The following SDCCAG8 variants were observed in gnomAD, a reference collection of about 807,000 sequenced individuals.
The protein encoded by SDCCAG8 is serologically defined colon cancer antigen 8.
Under a neutral mutation model 101.8 loss-of-function variants are expected in SDCCAG8, and 74 were observed. The ratio of observed to expected loss-of-function variants is 0.73; its 90% CI spans 0.60 to 0.88. SDCCAG8 has a LOEUF of 0.88. Ranked by LOEUF, SDCCAG8 falls within the 40% of genes least tolerant of loss-of-function variation. SDCCAG8 has a pLI of 0.00. For synonymous variants in SDCCAG8, 281 were observed against 292.9 expected (o/e 0.96, Z 0.41); for missense variants, 787 against 822.6 (o/e 0.96, Z 0.53).
intron 12 of SDCCAG8, among the ~76,000 whole-genome samples, chr1:243,371,690 C>T (rs1309445242): frequency 2.0e-5 from 3 of 152,080 alleles, no homozygotes; most frequent in African/African-American, 7.2e-5. Flanking sequence ...AAATGAGTTT[C>T]TACTTATAAT....
At chr1:243,379,158 T>C (rs2077784431) in intron 13 of SDCCAG8, among the ~76,000 whole-genome samples, 2 of 152,206 alleles carry the variant, frequency 1.3e-5, no homozygotes, top group African/African-American at 4.8e-5. Flanking sequence ...CTACTACCTC[T>C]TCTGCTAATT....
chr1:243,318,553 T>C, intron 9 of SDCCAG8: 2 of 985,390 alleles, frequency 2.0e-6, no homozygotes, highest in Non-Finnish European at 2.4e-6. Flanking sequence ...ATTAAGCCTC[T>C]TGTCAGCCAT....
chr1:243,312,295 T>C (rs1166425862), intron 8 of SDCCAG8, among the ~76,000 whole-genome samples: 3 of 152,256 alleles, frequency 2.0e-5, no homozygotes, highest in Admixed American at 6.5e-5. Context: ...TTAAAAATGA[T>C]ACCTTAAATA....
At chr1:243,427,000 A>G (rs2081384686) in intron 16 of SDCCAG8, among the ~76,000 whole-genome samples, 1 of 152,222 alleles carries the variant, frequency 6.6e-6, no homozygotes, top group Non-Finnish European at 1.5e-5. Flanking sequence ...CTTGACTACA[A>G]ACAAAACCTT....
chr1:243,464,030 T>G (rs1156787684), intron 16 of SDCCAG8, among the ~76,000 whole-genome samples: 1 of 152,068 alleles, frequency 6.6e-6, no homozygotes, highest in Non-Finnish European at 1.5e-5. Context: ...TGTGCTCATG[T>G]CCTCTTGACC....
chr1:243,481,008 G>T (rs1393169260), intron 16 of SDCCAG8, among the ~76,000 whole-genome samples: 1 of 151,952 alleles, frequency 6.6e-6, no homozygotes, highest in East Asian at 1.9e-4. Context: ...CACTGAGAGG[G>T]TCACAGAGAG....
intron 13 of SDCCAG8, among the ~76,000 whole-genome samples, chr1:243,403,790 G>T (rs1431397917): frequency 6.6e-6 from 1 of 152,148 alleles, no homozygotes; most frequent in African/African-American, 2.4e-5. Flanking sequence ...AGGAAAGCAG[G>T]CTCAAGGCTC....
intron 7 of SDCCAG8, 105 bp downstream of exon 7, chr1:243,304,882 T>G: frequency 1.3e-6 from 1 of 764,328 alleles, no homozygotes; most frequent in East Asian, 2.7e-5. Context: ...CAGACTTACT[T>G]GATGACATTT....
chr1:243,482,575 C>T (rs1663960403), intron 16 of SDCCAG8, among the ~76,000 whole-genome samples: 1 of 152,208 alleles, frequency 6.6e-6, no homozygotes, highest in Non-Finnish European at 1.5e-5. Flanking sequence ...TCTGCAGATC[C>T]TGAAGGACAT....
intron 16 of SDCCAG8, among the ~76,000 whole-genome samples, chr1:243,428,702 TACAC>T (rs1021068810): frequency 1.3e-5 from 2 of 152,212 alleles, no homozygotes; most frequent in Non-Finnish European, 2.9e-5. Context: ...TATCCAAACT[TACAC>T]ACACAAACAC....
At chr1:243,311,641 A>G (rs1352683210) in intron 8 of SDCCAG8, among the ~76,000 whole-genome samples, 2 of 152,164 alleles carry the variant, frequency 1.3e-5, no homozygotes, top group Admixed American at 1.3e-4. Flanking sequence ...TAAGCCAGGC[A>G]TAGTGGCTCA....
chr1:243,269,034 A>C (rs975413541), intron 1 of SDCCAG8: 1 of 152,472 alleles, frequency 6.6e-6, no homozygotes, highest in African/African-American at 2.4e-5. Context: ...CTCTTTCTTC[A>C]TGGGGTCTCA....
chr1:243,258,740 A>G (rs2066960570), intron 1 of SDCCAG8, among the ~76,000 whole-genome samples: 1 of 152,228 alleles, frequency 6.6e-6, no homozygotes, highest in South Asian at 2.1e-4. Context: ...CTGTTCCTTA[A>G]TAAACAATGC....
intron 13 of SDCCAG8, among the ~76,000 whole-genome samples, chr1:243,405,995 G>A (rs977522405): frequency 6.6e-6 from 1 of 152,008 alleles, no homozygotes; most frequent in African/African-American, 2.4e-5. Flanking sequence ...CATTTCCATT[G>A]ACATGTTATA....
At chr1:243,344,827 A>G (rs1417420949) in intron 12 of SDCCAG8, among the ~76,000 whole-genome samples, 2 of 152,350 alleles carry the variant, frequency 1.3e-5, no homozygotes, top group East Asian at 3.8e-4. Context: ...ATACAGTGAC[A>G]TTAGAAATGT....
intron 12 of SDCCAG8, among the ~76,000 whole-genome samples, chr1:243,361,320 C>A (rs1035702349): frequency 6.6e-6 from 1 of 152,172 alleles, no homozygotes; most frequent in Admixed American, 6.5e-5. Context: ...ACTCCTGCCC[C>A]CTTTCTGCTT....
rs542632635 is a variant in SDCCAG8, at chr1:243,353,490, CAAAAAAAAAAAAAAAA to C, written c.1473+9177_1473+9192del. On this transcript the variant is annotated intron_variant, in intron 12 of 17. Transcript: ENST00000366541. Reference sequence around the variant, plus strand: ...TGGGCAGCAGAGCAAGATTCCATCTCAAAAAAAAAAAAAAAAAAAAAAAAAAAAAAAAAGAATGTTG... The same window carrying C: ...TGGGCAGCAGAGCAAGATTCCATCTCAAAAAAAAAAAAAAAAAGAATGTTG... Among the ~76,000 whole-genome samples, 12 of 27,610 alleles carry C rather than the reference CAAAAAAAAAAAAAAAA, an allele frequency of 4.3e-4. No individual in the cohort carries two copies. In the East Asian group the frequency reaches 5.1e-3, roughly 12 times the overall value. 18.1% of individuals were successfully genotyped at this position (27,610 alleles called of 152,430 possible).
At chr1:243,381,525 C>A (rs1538774) in intron 13 of SDCCAG8, among the ~76,000 whole-genome samples, 1 of 151,806 alleles carries the variant, frequency 6.6e-6, no homozygotes, top group African/African-American at 2.4e-5. Flanking sequence ...GAGGTTCAAG[C>A]CTGCTGTGAG....
At chr1:243,366,024 GT>G (rs1385422439) in intron 12 of SDCCAG8, among the ~76,000 whole-genome samples, 1 of 151,998 alleles carries the variant, frequency 6.6e-6, no homozygotes, top group Non-Finnish European at 1.5e-5. Flanking sequence ...TGGCATCCTT[GT>G]TGGTTTTTAA....
Sources: allele counts gnomAD v4.1 joint callset (sites outside exome capture counted in the v4.1 genomes callset), GRCh38; gene constraint gnomAD v4.1.1; transcripts MANE v1.5; gene names NCBI Gene and HGNC (gene_info 2026-07-23, HGNC 2026-07-21).